OR8B2: variants seen among roughly 807,000 people sequenced by gnomAD.
The protein encoded by OR8B2 is olfactory receptor 8B2.
For synonymous variants in OR8B2, 98 were observed against 138.2 expected (o/e 0.71, Z 2.04); for missense variants, 304 against 379.6 (o/e 0.80, Z 1.65).
At position 124,384,221 on chromosome 11, in the gene OR8B2, C is replaced by G. The variant is rs1291632215; in HGVS notation, c.-18+153G>C. Reference sequence around the variant, plus strand: ...CTGCTATTGCTATCCTGATACCAGGCTGAGAATGAAGCCAACAGAGAGAAC... The same window carrying G: ...CTGCTATTGCTATCCTGATACCAGGGTGAGAATGAAGCCAACAGAGAGAAC... On this transcript the variant is annotated intron_variant, in intron 1 of 1. Coordinates refer to ENST00000641451, the MANE Select transcript of OR8B2 (RefSeq NM_001005468.2). Among the ~76,000 whole-genome samples, 10 of 152,238 alleles carry G rather than the reference C, an allele frequency of 6.6e-5. No homozygotes were observed. The South Asian group carries it at 1.7e-3, about 25-fold the overall frequency.
At chr11:124,391,003 C>T in the OR8B2 span, among the ~76,000 whole-genome samples, 1 of 152,136 alleles carries the variant, frequency 6.6e-6, no homozygotes, top group East Asian at 1.9e-4. Flanking sequence ...TTTTCTTTCT[C>T]AATGGAATTA....
chr11:124,396,992 A>G, the OR8B2 span: 3 of 1,613,888 alleles, frequency 1.9e-6, no homozygotes, highest in South Asian at 3.3e-5. Context: ...CATAGCGATC[A>G]TATGCCATTG....
At chr11:124,396,449 C>T in the OR8B2 span, 1 of 1,612,418 alleles carries the variant, frequency 6.2e-7, no homozygotes, top group Non-Finnish European at 8.5e-7. Flanking sequence ...TCAGAGCTTT[C>T]CTCAGTGCAA....
upstream of OR8B2, among the ~76,000 whole-genome samples, chr11:124,387,900 G>T (rs1281132997): frequency 1.3e-5 from 2 of 150,504 alleles, no homozygotes; most frequent in Non-Finnish European, 3.0e-5. Flanking sequence ...AGCATGGAAT[G>T]TTCTTCCATT....
chr11:124,383,058 CA>C lies in OR8B2; in HGVS notation c.285del (p.Cys97AlafsTer2), dbSNP rs1239106069. On this transcript the variant is annotated frameshift_variant, in exon 2 of 2. Transcript: ENST00000641451. LOFTEE classifies it low-confidence loss of function (END_TRUNC). The part of the protein sequence containing the change: ...FVSKKNIISN[V>X]GCMTRLFFFL... ...AAGAAAAACAGCCGAGTCATGCACC[CA>C]ACATTGGAGATAATATTCTTTTTTG... 1.9e-6 allele frequency: 3 copies of C among 1,613,740 alleles called. No homozygotes were observed. In the African/African-American group the frequency reaches 4.0e-5, roughly 22 times the overall value.
chr11:124,387,067 T>C (rs1458621556), upstream of OR8B2, among the ~76,000 whole-genome samples: 1 of 152,264 alleles, frequency 6.6e-6, no homozygotes, highest in African/African-American at 2.4e-5. Context: ...TTTTGAGAAG[T>C]GTCTGTTCAT....
chr11:124,393,228 C>G, the OR8B2 span, among the ~76,000 whole-genome samples: 1 of 145,732 alleles, frequency 6.9e-6, no homozygotes, highest in Non-Finnish European at 1.5e-5. Context: ...TCTAAAACAC[C>G]AAAAGCAATG....
intron 1 of OR8B2, 91 bp from the exon 2 acceptor site, chr11:124,383,451 G>C (rs1860643584): frequency 1.0e-5 from 12 of 1,180,112 alleles, no homozygotes; most frequent in South Asian, 1.5e-5. Flanking sequence ...GTAGGAATTT[G>C]GGTGAGTTCT....
At chr11:124,395,806 C>G in the OR8B2 span, 2 of 152,368 alleles carry the variant, frequency 1.3e-5, no homozygotes, top group Admixed American at 6.5e-5. Flanking sequence ...GTATCAAATG[C>G]ACTGGACTGA....
Position 124,384,465 on chromosome 11 carries a change from G to A in OR8B2, c.-109C>T, listed in dbSNP as rs1257079814. 2 of 152,140 alleles carry A rather than the reference G, an allele frequency of 1.3e-5. No homozygotes were observed. The highest frequency in any genetic ancestry group is 2.9e-5 in the Non-Finnish European group (2 of 68,030). The allele number at this position is 152,140 out of a possible 1,614,324, so 9.4% of individuals were successfully genotyped here. A position where few individuals can be genotyped will look rare whatever the true frequency, so the allele number is the denominator to read the frequency against. ...TAGAACTGGTGGTGAAGGTATCTAC[G>A]TTGACCACATGTAGTCAAAGAATCT... On this transcript the variant is annotated 5_prime_UTR_variant, in exon 1 of 2. The change creates a new upstream start codon in the 5' untranslated region. Coordinates refer to ENST00000641451, the MANE Select transcript of OR8B2 (RefSeq NM_001005468.2).
the OR8B2 span, among the ~76,000 whole-genome samples, chr11:124,391,581 T>C: frequency 6.6e-6 from 1 of 152,170 alleles, no homozygotes; most frequent in Non-Finnish European, 1.5e-5. Flanking sequence ...GTTGAATCTC[T>C]GAATAGACCA....
chr11:124,390,112 C>G, the OR8B2 span, among the ~76,000 whole-genome samples: 2 of 152,124 alleles, frequency 1.3e-5, no homozygotes, highest in Non-Finnish European at 1.5e-5. Context: ...CAAGTAGAGG[C>G]TCCACTCAGA....
chr11:124,390,241 G>T, the OR8B2 span, among the ~76,000 whole-genome samples: 4 of 152,126 alleles, frequency 2.6e-5, no homozygotes, highest in Non-Finnish European at 5.9e-5. Context: ...AATGCAATGA[G>T]GGGGGATGGA....
chr11:124,386,650 T>A (rs1860705732), upstream of OR8B2, among the ~76,000 whole-genome samples: 1 of 151,760 alleles, frequency 6.6e-6, no homozygotes, highest in Admixed American at 6.6e-5. Flanking sequence ...CTTAATCCAG[T>A]CTATCATTGT....
At chr11:124,390,125 C>G in the OR8B2 span, among the ~76,000 whole-genome samples, 2 of 152,108 alleles carry the variant, frequency 1.3e-5, no homozygotes, top group African/African-American at 4.8e-5. Flanking sequence ...CACTCAGAGA[C>G]TGCTGGGACT....
the OR8B2 span, among the ~76,000 whole-genome samples, chr11:124,392,900 G>A: frequency 4.2e-5 from 6 of 142,940 alleles, no homozygotes; most frequent in East Asian, 2.0e-4. Context: ...AGCATGGTAC[G>A]GGTACCAAAA....
the OR8B2 span, among the ~76,000 whole-genome samples, chr11:124,394,742 T>C: frequency 2.6e-5 from 4 of 152,190 alleles, no homozygotes; most frequent in African/African-American, 9.6e-5. Flanking sequence ...ACCCCACCGA[T>C]GGGTCTCTTC....
At chr11:124,388,692 G>T (rs1565348182), upstream of OR8B2, among the ~76,000 whole-genome samples, 2 of 152,044 alleles carry the variant, frequency 1.3e-5, no homozygotes, top group Non-Finnish European at 1.5e-5. Context: ...TTGCATTTAG[G>T]TTATAATTAC....
At position 124,382,634 on chromosome 11, in the gene OR8B2, G is replaced by C; in HGVS notation, c.710C>G (p.Ala237Gly). 1 of 1,611,584 alleles carries C rather than the reference G, an allele frequency of 6.2e-7. No homozygotes were observed. Among genetic ancestry groups the C allele is most frequent in the Non-Finnish European group, 8.5e-7 (1 of 1,178,790 alleles). ...HIKSTQGRSK[A>G]FSTCSSHVIA... ...GACATGAGAGCTACAAGTACTGAAG[G>C]CTTTTGATCTTCCTTGAGTGGATTT... is the stretch of plus-strand genomic sequence containing the variant. The change falls in exon 2 of 2, where the codon GCC (alanine) becomes GGC (glycine). Residue 237 changes from alanine (A) to glycine (G), a missense_variant. Coordinates refer to ENST00000641451, the MANE Select transcript of OR8B2 (RefSeq NM_001005468.2).
Sources: allele counts gnomAD v4.1 joint callset (sites outside exome capture counted in the v4.1 genomes callset), GRCh38; gene constraint gnomAD v4.1.1; transcripts MANE v1.5; gene names NCBI Gene and HGNC (gene_info 2026-07-23, HGNC 2026-07-21).